The following NEK5 variants were observed in gnomAD, a reference collection of about 807,000 sequenced individuals.
NEK5 encodes NIMA related kinase 5.
A neutral mutation model predicts 109.2 loss-of-function variants in NEK5; 88 were observed. The ratio of observed to expected loss-of-function variants is 0.81; its 90% confidence interval spans 0.68 to 0.96. The LOEUF is 0.96. Among genes scored for constraint, NEK5 ranks in the 40% least tolerant of loss-of-function variants. The pLI, the probability that NEK5 is intolerant of heterozygous loss-of-function variation, is 0.00. For synonymous variants in NEK5, 283 were observed against 299.9 expected (o/e 0.94, Z 0.58); for missense variants, 834 against 920.7 (o/e 0.91, Z 1.22).
At chr13:52,095,509 A>T (rs1955390032) in intron 12 of NEK5, among the ~76,000 whole-genome samples, 1 of 152,254 alleles carries the variant, frequency 6.6e-6, no homozygotes, top group African/African-American at 2.4e-5. Context: ...ATTCATCCTC[A>T]AATCTTTTAG....
chr13:52,080,223 G>T (rs1168861821), intron 17 of NEK5, among the ~76,000 whole-genome samples: 1 of 137,536 alleles, frequency 7.3e-6, no homozygotes, highest in Non-Finnish European at 1.7e-5. Flanking sequence ...GTGGGGGGGG[G>T]TCAGCCCCCC....
At chr13:52,083,034 C>G (rs1177879501) in intron 17 of NEK5, among the ~76,000 whole-genome samples, 1 of 152,154 alleles carries the variant, frequency 6.6e-6, no homozygotes, top group East Asian at 1.9e-4. Context: ...GTAGTCCCAG[C>G]TACTCGGGAG....
intron 22 of NEK5, among the ~76,000 whole-genome samples, chr13:52,061,065 C>T (rs1954610156): frequency 6.6e-6 from 1 of 152,186 alleles, no homozygotes; most frequent in African/African-American, 2.4e-5. Context: ...TCCCTTAAAG[C>T]AGTGGTCCCC....
intron 12 of NEK5, among the ~76,000 whole-genome samples, chr13:52,099,201 C>A (rs1445358568): frequency 6.6e-6 from 1 of 151,800 alleles, no homozygotes; most frequent in Non-Finnish European, 1.5e-5. Flanking sequence ...TTACTATGTA[C>A]CCACAAAAAT....
At position 52,034,527 on chromosome 13, in the gene NEK5, T is replaced by TG. The variant is rs1457723078; in HGVS notation, c.*2420dup. 7 of 146,756 alleles carry TG rather than the reference T, an allele frequency of 4.8e-5. No individual in the cohort carries two copies. The highest frequency in any genetic ancestry group is 7.5e-5 in the Non-Finnish European group (5 of 66,906). The allele number at this position is 146,756 out of a possible 1,614,324, so 9.1% of individuals were successfully genotyped here. On this transcript the variant is annotated 3_prime_UTR_variant, in exon 24 of 24. Coordinates refer to ENST00000684899, the MANE Select transcript of NEK5 (RefSeq NM_001365552.1). ...TGCTTTTTTTTTTTTTTTTTTTTTT[T>TG]GAGACAGGGTCTTTCTTACTCTGTC...
chr13:52,057,495 C>G (rs1281353878), intron 22 of NEK5, among the ~76,000 whole-genome samples: 4 of 151,908 alleles, frequency 2.6e-5, no homozygotes, highest in Admixed American at 1.3e-4. Flanking sequence ...GACACAACCA[C>G]AAAAGAGAAT....
intron 22 of NEK5, among the ~76,000 whole-genome samples, chr13:52,058,771 T>A (rs1229291716): frequency 6.6e-6 from 1 of 152,162 alleles, no homozygotes; most frequent in Non-Finnish European, 1.5e-5. Context: ...TGAAACTGGA[T>A]CCCTTCCTTA....
At chr13:52,064,433 G>A (rs1294296853) in intron 21 of NEK5, among the ~76,000 whole-genome samples, 9 of 142,308 alleles carry the variant, frequency 6.3e-5, no homozygotes, top group South Asian at 4.5e-4. Context: ...CAGCCACCCC[G>A]TCCGGGAGGG....
At chr13:52,062,979 A>G (rs566758784) in intron 21 of NEK5, among the ~76,000 whole-genome samples, 63 of 152,186 alleles carry the variant, frequency 4.1e-4, no homozygotes, top group Middle Eastern at 3.4e-3. Flanking sequence ...TACTATGGCT[A>G]TTACTGTGCT....
chr13:52,104,059 T>C (rs1955598064), intron 9 of NEK5, among the ~76,000 whole-genome samples: 1 of 152,236 alleles, frequency 6.6e-6, no homozygotes, highest in East Asian at 1.9e-4. Flanking sequence ...TCCTGGGTTC[T>C]AGCAATTCTC....
rs754198967 is a variant in NEK5, at chr13:52,065,618, A to C, written c.1850-9T>G. ...AGTCTGCGTGGAAAACCCTGGGTGT[A>C]AGAAAACAACTCATTAATTCGAAAG... On this transcript the variant is annotated splice_polypyrimidine_tract_variant and intron_variant, in intron 20 of 23. Transcript: ENST00000684899. 1 of 1,604,068 alleles carries C rather than the reference A, an allele frequency of 6.2e-7. No individual in the cohort carries two copies. Among genetic ancestry groups the C allele is most frequent in the Non-Finnish European group, 8.5e-7 (1 of 1,171,132 alleles).
chr13:52,107,444 T>C (rs1828779228), intron 8 of NEK5, among the ~76,000 whole-genome samples: 1 of 151,852 alleles, frequency 6.6e-6, no homozygotes, highest in Non-Finnish European at 1.5e-5. Flanking sequence ...CACAAAACTT[T>C]AGCTGGGCAT....
chr13:52,049,548 A>C (rs187961866), intron 23 of NEK5, among the ~76,000 whole-genome samples: 3 of 152,232 alleles, frequency 2.0e-5, no homozygotes. Flanking sequence ...CTCATACTTT[A>C]TAAGAGAATG....
At chr13:52,059,861 G>A (rs1207121607) in intron 22 of NEK5, among the ~76,000 whole-genome samples, 2 of 151,958 alleles carry the variant, frequency 1.3e-5, no homozygotes, top group African/African-American at 2.4e-5. Context: ...GCTTGATGAC[G>A]AGTTAGTGGG....
chr13:52,112,488 G>T, intron 4 of NEK5, 123 bp from the exon 5 acceptor site: 1 of 607,302 alleles, frequency 1.6e-6, no homozygotes, highest in Non-Finnish European at 2.9e-6. Flanking sequence ...TCTTAGCTCT[G>T]TGACTCTGGG....
chr13:52,122,008 C>T (rs1217518487), intron 3 of NEK5, among the ~76,000 whole-genome samples: 1 of 151,266 alleles, frequency 6.6e-6, no homozygotes, highest in Non-Finnish European at 1.5e-5. Context: ...GTCAAGGGAT[C>T]CTCCCAACTC....
At chr13:52,097,930 T>C (rs1955451093) in intron 12 of NEK5, among the ~76,000 whole-genome samples, 13 of 152,172 alleles carry the variant, frequency 8.5e-5, no homozygotes, top group Non-Finnish European at 2.9e-5. Context: ...CAGATTTCCC[T>C]CTTACTGTTC....
intron 17 of NEK5, among the ~76,000 whole-genome samples, chr13:52,080,237 C>T (rs1362616354): frequency 3.7e-5 from 5 of 134,778 alleles, no homozygotes; most frequent in South Asian, 2.5e-4. Context: ...GCCCCCCGCC[C>T]GGCCAGCCGC....
intron 14 of NEK5, among the ~76,000 whole-genome samples, chr13:52,087,954 G>A (rs1299942014): frequency 7.4e-6 from 1 of 135,732 alleles, no homozygotes; most frequent in Non-Finnish European, 1.6e-5. Context: ...TTAAGACAGA[G>A]TCTCACTCTG....
Sources: gnomAD v4.1 joint callset for allele counts (sites outside exome capture counted in the v4.1 genomes callset) on GRCh38, gnomAD v4.1.1 for gene constraint, MANE v1.5 for transcripts, NCBI Gene and HGNC (gene_info 2026-07-23, HGNC 2026-07-21) for gene names.